Variants in SACM1L observed in about 807,000 individuals in gnomAD.
The protein encoded by SACM1L is SAC1 like phosphatidylinositide phosphatase.
Under a neutral mutation model 89.5 loss-of-function variants are expected in SACM1L, and 32 were observed. That is an observed-to-expected ratio of 0.36 (90% CI 0.27 to 0.48). The LOEUF is 0.48. Among genes scored for constraint, SACM1L ranks in the 20% least tolerant of loss-of-function variants. The pLI, the probability that SACM1L is intolerant of heterozygous loss-of-function variation, is 0.99. For missense variants in SACM1L, 543 were observed against 708.5 expected, an observed-to-expected ratio of 0.77 and a Z score of 2.65; for synonymous variants, 213 against 232.8, an observed-to-expected ratio of 0.92 and a Z score of 0.77.
intron 1 of SACM1L, 38 bp downstream of exon 1, chr3:45,689,535 C>G: frequency 1.3e-6 from 2 of 1,553,044 alleles, no homozygotes. Flanking sequence ...GCGCGGCGGG[C>G]GGGGCGGCAG....
At chr3:45,696,029 G>T (rs1056096452) in intron 1 of SACM1L, among the ~76,000 whole-genome samples, 13 of 139,164 alleles carry the variant, frequency 9.3e-5, no homozygotes, top group African/African-American at 3.5e-4. Context: ...ATGGAGTCTC[G>T]CTCTGTTGCC....
At chr3:45,718,837 A>G (rs1406711035) in intron 7 of SACM1L, among the ~76,000 whole-genome samples, 1 of 152,160 alleles carries the variant, frequency 6.6e-6, no homozygotes, top group African/African-American at 2.4e-5. Flanking sequence ...ATATTACTGA[A>G]TGGTGTAGGA....
In SACM1L at chr3:45,732,169, C is replaced by CTT. The variant is rs993838270; in HGVS notation, c.1100+19_1100+20dup. Reference sequence around the variant, plus strand: ...GAATTAAGGTAAGCTATATTATTTCCTTAAGGAGGTAGAGGGAAGAGGTAT... The same window carrying CTT: ...GAATTAAGGTAAGCTATATTATTTCCTTTTAAGGAGGTAGAGGGAAGAGGTAT... On this transcript the variant is annotated intron_variant, in intron 13 of 19. Transcript: ENST00000389061. The CTT allele has an allele frequency of 3.4e-6, 5 of 1,479,546 alleles. No individual in the cohort carries two copies. Among genetic ancestry groups the CTT allele is most frequent in the Non-Finnish European group, 4.7e-6 (5 of 1,074,228 alleles). The allele number at this position is 1,479,546 out of a possible 1,614,324, so 91.7% of individuals were successfully genotyped here. A position where few individuals can be genotyped will look rare whatever the true frequency, so the allele number is the denominator to read the frequency against.
chr3:45,702,856 T>TA (rs966983514), intron 1 of SACM1L, among the ~76,000 whole-genome samples: 1 of 152,250 alleles, frequency 6.6e-6, no homozygotes, highest in South Asian at 2.1e-4. Context: ...TATGGGTTTC[T>TA]AAAAAAACAC....
At chr3:45,728,168 A>G (rs1447332909) in intron 11 of SACM1L, among the ~76,000 whole-genome samples, 1 of 151,992 alleles carries the variant, frequency 6.6e-6, no homozygotes, top group Non-Finnish European at 1.5e-5. Context: ...CTTTCAACCT[A>G]TATGTGTCTT....
At chr3:45,737,934 C>A in intron 16 of SACM1L, 90 bp downstream of exon 16, 1 of 963,192 alleles carries the variant, frequency 1.0e-6, no homozygotes. Flanking sequence ...CAGACAGCAG[C>A]AGCAACAACA....
intron 1 of SACM1L, among the ~76,000 whole-genome samples, chr3:45,699,833 T>C (rs1407877698): frequency 6.6e-6 from 1 of 152,242 alleles, no homozygotes; most frequent in African/African-American, 2.4e-5. Context: ...AGAAAAACTT[T>C]TAATTGCTTA....
At chr3:45,717,085 A>G (rs529094264) in intron 7 of SACM1L, among the ~76,000 whole-genome samples, 3 of 152,304 alleles carry the variant, frequency 2.0e-5, no homozygotes, top group East Asian at 3.9e-4. Context: ...CTCTAGTGCT[A>G]TGGGCTTCAA....
intron 2 of SACM1L, among the ~76,000 whole-genome samples, 181 bp from the exon 3 acceptor site, chr3:45,704,954 A>G (rs1175054082): frequency 1.3e-5 from 2 of 152,174 alleles, no homozygotes; most frequent in Admixed American, 1.3e-4. Context: ...TTGCTGTTAC[A>G]CTCCAGTTTA....
intron 6 of SACM1L, chr3:45,713,772 G>T: frequency 4.5e-6 from 1 of 219,952 alleles, no homozygotes; most frequent in Non-Finnish European, 8.7e-6. Context: ...TTTCCCTGGA[G>T]GAGTGAAGTT....
chr3:45,705,157 A>G lies in SACM1L; in HGVS notation c.153A>G (p.Ser51=). 1.2e-6 allele frequency: 2 copies of G among 1,610,486 alleles called. No individual in the cohort carries two copies. The highest frequency in any genetic ancestry group is 1.7e-6 in the Non-Finnish European group (2 of 1,177,634). The part of the protein sequence containing the change: ...TLAVKKDVPP[S]AVTRPIFGIL... ...AAGTCAAGAAAGATGTTCCTCCTTC[A>G]GCTGTCACAAGACCAATATTTGGTA... The change falls in exon 3 of 20, where the codon TCA becomes TCG. Residue 51 remains serine (S), a synonymous_variant. Transcript: ENST00000389061.
chr3:45,739,147 C>T (rs1699264390), intron 18 of SACM1L, among the ~76,000 whole-genome samples: 1 of 152,152 alleles, frequency 6.6e-6, no homozygotes, highest in African/African-American at 2.4e-5. Context: ...CTTCAATTCT[C>T]TTACATTGAG....
chr3:45,736,977 G>T (rs1055162281), intron 14 of SACM1L, among the ~76,000 whole-genome samples: 1 of 152,158 alleles, frequency 6.6e-6, no homozygotes, highest in Non-Finnish European at 1.5e-5. Context: ...TGAAGATGGT[G>T]GTTCTCAGAA....
intron 11 of SACM1L, among the ~76,000 whole-genome samples, chr3:45,729,171 C>T (rs915515206): frequency 2.6e-5 from 4 of 152,166 alleles, no homozygotes; most frequent in Non-Finnish European, 4.4e-5. Context: ...ACTGCAACCT[C>T]TGCCTCCTGG....
rs1699402836 is a variant in SACM1L, at chr3:45,745,334, A to G, written c.*1665A>G. The G allele has an allele frequency of 6.5e-6, 1 of 152,674 alleles. No individual in the cohort carries two copies. The allele number at this position is 152,674 out of a possible 1,614,324, so 9.5% of individuals were successfully genotyped here. On this transcript the variant is annotated 3_prime_UTR_variant, in exon 20 of 20. Coordinates refer to ENST00000389061, the MANE Select transcript of SACM1L (RefSeq NM_014016.5). ...GATCTTAAGGTATCAGTATTTCAGA[A>G]TCCTGCGACGATTTTATTTCTAAAT...
chr3:45,719,252 G>A (rs1314130122), intron 7 of SACM1L, among the ~76,000 whole-genome samples: 1 of 152,132 alleles, frequency 6.6e-6, no homozygotes, highest in Non-Finnish European at 1.5e-5. Context: ...GAAAAGGGAA[G>A]CATATCATTT....
Position 45,738,818 on chromosome 3 carries a change from A to G in SACM1L, c.1514A>G (p.Asp505Gly). 6.2e-7 allele frequency: 1 copy of G among 1,611,616 alleles called. No homozygotes were observed. Among genetic ancestry groups the G allele is most frequent in the Non-Finnish European group, 8.5e-7 (1 of 1,177,936 alleles). Residue 505 changes from aspartate (D) to glycine (G), a missense_variant, in exon 18 of 20, where the codon GAT becomes GGT. By Grantham distance (94) the Asp-to-Gly change is moderately conservative. Around this residue, in one of 2 missense-constraint regions of SACM1L, gnomAD observed 370 missense variants for 527.6 expected, o/e 0.70. Transcript: ENST00000389061. ...TTATTTCTTGGAAACTATTCAGTGG[A>G]TGAATTAGAATCTCATAGTCCTTTA... ...IDLFLGNYSV[D>G]ELESHSPLSV...
chr3:45,721,991 T>TC lies in SACM1L; in HGVS notation c.680-8dup, dbSNP rs1575402023. The TC allele has an allele frequency of 6.3e-7, 1 of 1,591,608 alleles. No individual in the cohort carries two copies. ...AGTATAGTTAATTCTTAATTTTTTT[T>TC]CTATTTAGGAATTGATTCGGAAGGC... On this transcript the variant is annotated splice_polypyrimidine_tract_variant and intron_variant, in intron 8 of 19. Coordinates refer to ENST00000389061, the MANE Select transcript of SACM1L (RefSeq NM_014016.5).
chr3:45,730,625 T>A (rs1337328172), intron 11 of SACM1L: 1 of 152,302 alleles, frequency 6.6e-6, no homozygotes, highest in Non-Finnish European at 1.5e-5. Context: ...GGTAAAGGTT[T>A]AAGGTCTTCT....
Sources: allele counts gnomAD v4.1 joint callset (sites outside exome capture counted in the v4.1 genomes callset), GRCh38; gene constraint gnomAD v4.1.1; regional missense constraint gnomAD v4.1.1; transcripts MANE v1.5; gene names NCBI Gene and HGNC (gene_info 2026-07-23, HGNC 2026-07-21).